Variants in MGAT4C observed in about 807,000 individuals in gnomAD.
MGAT4C encodes MGAT4 family member C, also known as alpha-1,3-mannosyl-glycoprotein 4-beta-N-acetylglucosaminyltransferase C.
In MGAT4C, 19 loss-of-function variants were observed where a neutral mutation model predicts 40.1. That is an observed-to-expected ratio of 0.47 (90% CI 0.33 to 0.70). The LOEUF is 0.70. MGAT4C is among the 30% of genes least tolerant of loss of function. The pLI is 0.02. For missense variants in MGAT4C, 491 were observed against 563.2 expected, an observed-to-expected ratio of 0.87 and a Z score of 1.30; for synonymous variants, 181 against 187.1, an observed-to-expected ratio of 0.97 and a Z score of 0.27.
intron 2 of MGAT4C, among the ~76,000 whole-genome samples, chr12:86,524,887 T>A (rs1031642546): frequency 6.6e-6 from 1 of 152,218 alleles, no homozygotes; most frequent in East Asian, 1.9e-4. Context: ...ATTATGAAAC[T>A]CTTATAGTGT....
At chr12:86,029,889 T>C (rs1890584563) in intron 2 of MGAT4C, among the ~76,000 whole-genome samples, 1 of 151,822 alleles carries the variant, frequency 6.6e-6, no homozygotes. Context: ...TTTTATTACA[T>C]ATAACCATAT....
chr12:86,309,427 A>AG, intron 4 of MGAT4C, among the ~76,000 whole-genome samples: 1 of 152,324 alleles, frequency 6.6e-6, no homozygotes, highest in East Asian at 1.9e-4. Flanking sequence ...AAGTGCAGGC[A>AG]TCTGGCTTGG....
chr12:86,254,302 T>C (rs1257317797), intron 1 of MGAT4C, among the ~76,000 whole-genome samples: 1 of 151,992 alleles, frequency 6.6e-6, no homozygotes, highest in Non-Finnish European at 1.5e-5. Flanking sequence ...TTGTATAAAG[T>C]TGTCCAAAGG....
At position 85,960,686 on chromosome 12, in the gene MGAT4C, C is replaced by G. The variant is rs1334327194; in HGVS notation, c.*18603G>C. 4 of 151,778 alleles carry G rather than the reference C, an allele frequency of 2.6e-5. No homozygotes were observed. Among genetic ancestry groups the G allele is most frequent in the Admixed American group, 1.3e-4 (2 of 15,214 alleles). The allele number at this position is 151,778 out of a possible 1,614,324, so 9.4% of individuals were successfully genotyped here. ...GGTAATGAGAAAACTACTTTGAAGA[C>G]TGTGCTGAAGGAAATGATGGCATGA... is the stretch of plus-strand genomic sequence containing the variant. On this transcript the variant is annotated 3_prime_UTR_variant, in exon 5 of 5. Coordinates refer to ENST00000611864, the MANE Select transcript of MGAT4C (RefSeq NM_001351288.2).
At chr12:86,726,993 C>G (rs1950832067) in intron 2 of MGAT4C, among the ~76,000 whole-genome samples, 1 of 151,986 alleles carries the variant, frequency 6.6e-6, no homozygotes, top group Non-Finnish European at 1.5e-5. Context: ...TTTAACCCAC[C>G]CTAAGTTAAA....
intron 1 of MGAT4C, among the ~76,000 whole-genome samples, chr12:86,147,530 C>T (rs1375493379): frequency 3.9e-5 from 6 of 152,182 alleles, no homozygotes; most frequent in African/African-American, 1.4e-4. Flanking sequence ...CGTGAGCCAC[C>T]GTGCCTGGCC....
In MGAT4C at chr12:85,967,554, C is replaced by T. The variant is rs934580318; in HGVS notation, c.*11735G>A. 6.6e-6 allele frequency: 1 copy of T among 151,968 alleles called. No individual in the cohort carries two copies. The highest frequency in any genetic ancestry group is 2.4e-5 in the African/African-American group (1 of 41,418). The allele number at this position is 151,968 out of a possible 1,614,324, so 9.4% of individuals were successfully genotyped here. A position where few individuals can be genotyped will look rare whatever the true frequency, so the allele number is the denominator to read the frequency against. ...AAAATCATATAAGTCCAAGATGAAA[C>T]TGATCTCAAATTATTATTTTGAGGT... is the stretch of plus-strand genomic sequence containing the variant. On this transcript the variant is annotated 3_prime_UTR_variant, in exon 5 of 5. Coordinates refer to ENST00000611864, the MANE Select transcript of MGAT4C (RefSeq NM_001351288.2).
intron 1 of MGAT4C, among the ~76,000 whole-genome samples, chr12:86,172,579 C>T (rs1277191943): frequency 1.3e-5 from 2 of 152,004 alleles, no homozygotes; most frequent in Non-Finnish European, 2.9e-5. Flanking sequence ...AATCTATACT[C>T]AGCCAGAACA....
intron 1 of MGAT4C, among the ~76,000 whole-genome samples, chr12:86,743,460 C>G (rs1016367238): frequency 3.3e-5 from 5 of 151,444 alleles, no homozygotes; most frequent in African/African-American, 1.2e-4. Flanking sequence ...TTATTTTACA[C>G]TTGATGTAAA....
chr12:86,834,612 CCACACACACA>C (rs148269576), intron 1 of MGAT4C, among the ~76,000 whole-genome samples: 57 of 148,196 alleles, frequency 3.8e-4, no homozygotes, highest in African/African-American at 1.3e-3. Flanking sequence ...CCCCCAACCA[CCACACACACA>C]CACACACACA....
At chr12:86,559,546 T>C (rs1047028762) in intron 2 of MGAT4C, among the ~76,000 whole-genome samples, 6 of 151,914 alleles carry the variant, frequency 3.9e-5, no homozygotes, top group African/African-American at 1.2e-4. Flanking sequence ...CAACATGCTC[T>C]TGAACAACCA....
chr12:86,273,182 A>C (rs1443072111), intron 4 of MGAT4C, among the ~76,000 whole-genome samples: 1 of 152,192 alleles, frequency 6.6e-6, no homozygotes, highest in Non-Finnish European at 1.5e-5. Flanking sequence ...TTAAAGAAAC[A>C]AATTTTTGAG....
intron 1 of MGAT4C, among the ~76,000 whole-genome samples, chr12:86,770,224 T>TGG (rs1951606495): frequency 6.6e-6 from 1 of 152,150 alleles, no homozygotes; most frequent in Admixed American, 6.6e-5. Flanking sequence ...CCATTTATGG[T>TGG]GGCAACAATA....
chr12:86,700,580 A>C (rs1235466216), intron 2 of MGAT4C, among the ~76,000 whole-genome samples: 1 of 152,124 alleles, frequency 6.6e-6, no homozygotes, highest in Non-Finnish European at 1.5e-5. Flanking sequence ...AAGGTCAAGA[A>C]AAGGTTACGT....
intron 2 of MGAT4C, among the ~76,000 whole-genome samples, chr12:86,453,283 T>C (rs900306799): frequency 6.6e-6 from 1 of 152,110 alleles, no homozygotes; most frequent in Non-Finnish European, 1.5e-5. Flanking sequence ...TCAGAAAGTA[T>C]ACGGTACTCA....
chr12:86,264,932 C>T (rs1336474363), intron 4 of MGAT4C, among the ~76,000 whole-genome samples: 5 of 152,332 alleles, frequency 3.3e-5, no homozygotes, highest in African/African-American at 9.6e-5. Context: ...TGGGCACTGA[C>T]GAGCATGGGC....
intron 3 of MGAT4C, among the ~76,000 whole-genome samples, chr12:86,418,346 T>C (rs1956758695): frequency 6.6e-6 from 1 of 152,144 alleles, no homozygotes; most frequent in African/African-American, 2.4e-5. Flanking sequence ...CTCATGCCTA[T>C]AATCCCAACA....
At chr12:86,758,303 A>T (rs1951341187) in intron 1 of MGAT4C, among the ~76,000 whole-genome samples, 1 of 152,078 alleles carries the variant, frequency 6.6e-6, no homozygotes, top group African/African-American at 2.4e-5. Flanking sequence ...GATAAAGATG[A>T]ATCAAAGGAA....
At chr12:86,831,777 C>A (rs372266954) in intron 1 of MGAT4C, among the ~76,000 whole-genome samples, 1 of 151,580 alleles carries the variant, frequency 6.6e-6, no homozygotes, top group African/African-American at 2.4e-5. Flanking sequence ...TCTACATAGG[C>A]ACAAGCATAT....
Sources: allele counts gnomAD v4.1 joint callset (sites outside exome capture counted in the v4.1 genomes callset), GRCh38; gene constraint gnomAD v4.1.1; transcripts MANE v1.5; gene names NCBI Gene and HGNC (gene_info 2026-07-23, HGNC 2026-07-21).